RGPD1: variants seen among roughly 807,000 people sequenced by gnomAD.
RGPD1 encodes RANBP2-like and GRIP domain-containing protein 1.
Under a neutral mutation model 40.6 loss-of-function variants are expected in RGPD1, and 7 were observed. The observed-to-expected ratio is 0.17, with a 90% confidence interval of 0.10 to 0.32. The LOEUF (loss-of-function observed/expected upper bound fraction) is 0.32, where lower values mean the gene tolerates loss of function less well. Ranked by LOEUF, RGPD1 falls within the 10% of genes least tolerant of loss-of-function variation. The pLI, the probability that RGPD1 is intolerant of heterozygous loss-of-function variation, is 1.00. For missense variants in RGPD1, 50 were observed against 472.5 expected (o/e 0.11, Z 8.29); for synonymous variants, 24 against 167.0 (o/e 0.14, Z 6.60).
At chr2:86,936,002 GAAAA>G (rs1254887421) in intron 1 of RGPD1, among the ~76,000 whole-genome samples, 3 of 129,110 alleles carry the variant, frequency 2.3e-5, no homozygotes, top group African/African-American at 8.1e-5. Flanking sequence ...AAATTTGTTG[GAAAA>G]AAAATTTTTT....
chr2:86,942,797 C>G (rs1320123979), intron 1 of RGPD1, among the ~76,000 whole-genome samples: 1 of 151,800 alleles, frequency 6.6e-6, no homozygotes. Context: ...CCGGCTGGCG[C>G]AGTCCTGTGG....
chr2:86,991,882 GC>G (rs1461592578), intron 20 of RGPD1: 1 of 1,990 alleles, frequency 5.0e-4, no homozygotes, highest in Non-Finnish European at 9.5e-4. Flanking sequence ...GAGACCTTGG[GC>G]AAAGTCATTA....
intron 1 of RGPD1, among the ~76,000 whole-genome samples, chr2:86,925,045 C>G (rs1422726673): frequency 6.6e-6 from 1 of 152,308 alleles, no homozygotes; most frequent in South Asian, 2.1e-4. Context: ...GTTAAACACT[C>G]TTTCATGTGC....
At chr2:86,944,283 T>C (rs1308631735) in intron 1 of RGPD1, among the ~76,000 whole-genome samples, 5 of 152,208 alleles carry the variant, frequency 3.3e-5, no homozygotes, top group Admixed American at 2.0e-4. Context: ...AGGATAGATA[T>C]CTACTTGTAC....
intron 1 of RGPD1, among the ~76,000 whole-genome samples, chr2:86,918,145 A>T (rs1351376477): frequency 6.6e-6 from 1 of 150,672 alleles, no homozygotes; most frequent in Non-Finnish European, 1.5e-5. Context: ...TTTGAGGGAG[A>T]TTTAAAGTAC....
chr2:86,942,913 G>A (rs1680000883), intron 1 of RGPD1, among the ~76,000 whole-genome samples: 1 of 152,018 alleles, frequency 6.6e-6, no homozygotes, highest in South Asian at 2.1e-4. Flanking sequence ...TCCCGACGGT[G>A]CTCGCTCGTG....
intron 1 of RGPD1, among the ~76,000 whole-genome samples, chr2:86,935,081 GC>G (rs1406666035): frequency 6.8e-6 from 1 of 147,356 alleles, no homozygotes; most frequent in Admixed American, 6.8e-5. Flanking sequence ...CAAGCGATCT[GC>G]CCGCTTTGGC....
chr2:86,918,950 A>T (rs2104659635), intron 1 of RGPD1, among the ~76,000 whole-genome samples: 1 of 47,992 alleles, frequency 2.1e-5, no homozygotes, highest in East Asian at 3.8e-4. Flanking sequence ...TATCTCCATC[A>T]TTTCTTCATA....
chr2:86,998,624 A>G (rs1401122165), intron 22 of RGPD1, among the ~76,000 whole-genome samples: 3 of 47,240 alleles, frequency 6.4e-5, no homozygotes, highest in African/African-American at 8.8e-5. Context: ...GATGTCATTA[A>G]CTTCTTTGAA....
chr2:86,926,071 C>T (rs1156867812), intron 1 of RGPD1, among the ~76,000 whole-genome samples: 1 of 152,272 alleles, frequency 6.6e-6, no homozygotes, highest in Non-Finnish European at 1.5e-5. Context: ...TTGCATAAGC[C>T]CAGAGCCTAG....
At chr2:86,938,626 A>G (rs530182445), upstream of RGPD1, among the ~76,000 whole-genome samples, 1 of 152,250 alleles carries the variant, frequency 6.6e-6, no homozygotes, top group African/African-American at 2.4e-5. Flanking sequence ...AAATAAATAA[A>G]AAGAATTCCT....
intron 1 of RGPD1, among the ~76,000 whole-genome samples, chr2:86,919,732 A>G (rs1257735464): frequency 5.0e-4 from 61 of 121,200 alleles, no homozygotes; most frequent in African/African-American, 2.2e-3. Context: ...CCATACCTTT[A>G]GTGCCATTTA....
At chr2:86,942,014 C>T (rs546043715), upstream of RGPD1, among the ~76,000 whole-genome samples, 4 of 151,758 alleles carry the variant, frequency 2.6e-5, no homozygotes, top group South Asian at 4.2e-4. Context: ...GCCCGGCGGG[C>T]AAGACACCCT....
chr2:86,947,642 G>C (rs78299509), intron 1 of RGPD1, among the ~76,000 whole-genome samples: 4,862 of 88,216 alleles, frequency 0.055, 119 homozygotes, highest in Middle Eastern at 0.083. Context: ...TTACCTGAAA[G>C]CTGGAGTTTC....
chr2:86,923,449 A>G (rs1014889208), intron 1 of RGPD1, among the ~76,000 whole-genome samples: 4 of 151,614 alleles, frequency 2.6e-5, no homozygotes, highest in Non-Finnish European at 5.9e-5. Flanking sequence ...TAATATATGC[A>G]CACTCATGTA....
chr2:86,914,107 G>A lies in RGPD1; in HGVS notation c.72+186G>A, dbSNP rs867371773. Among the ~76,000 whole-genome samples the A allele has an allele frequency of 3.0e-5, 3 of 100,920 alleles. 1 individual carries two copies. The highest frequency in any genetic ancestry group is 2.7e-4 in the Admixed American group (3 of 10,930). 66.2% of individuals were successfully genotyped at this position (100,920 alleles called of 152,430 possible). ...GGGCGGCGGCGGCGGCGGCGGCGGCGGCGGCCTCGGCCCCGGCCTGGCCGG... is the reference window on the plus strand; with the variant it reads ...GGGCGGCGGCGGCGGCGGCGGCGGCAGCGGCCTCGGCCCCGGCCTGGCCGG... On this transcript the variant is annotated intron_variant, in intron 1 of 22. Transcript: ENST00000398193.
At chr2:86,945,630 C>A (rs1157808771) in intron 1 of RGPD1, among the ~76,000 whole-genome samples, 1 of 152,166 alleles carries the variant, frequency 6.6e-6, no homozygotes, top group Non-Finnish European at 1.5e-5. Flanking sequence ...TTTTGCCCTT[C>A]TTAAAAATAT....
At chr2:86,943,466 A>G (rs1371452202) in intron 1 of RGPD1, among the ~76,000 whole-genome samples, 4 of 152,126 alleles carry the variant, frequency 2.6e-5, no homozygotes, top group Admixed American at 1.3e-4. Context: ...TAGTAATTGG[A>G]TCTAAAGAGT....
At position 86,962,363 on chromosome 2, in the gene RGPD1, C is replaced by T. The variant is rs1256396302; in HGVS notation, c.780-666C>T. ...TACTAAAAATATAAAAAAAGTTTAG[C>T]GGGGCATGGTGGCAGGTGCCTGTAA... On this transcript the variant is annotated intron_variant, in intron 6 of 22. Transcript: ENST00000641458. Among the ~76,000 whole-genome samples, 63 of 108,094 alleles carry T rather than the reference C, an allele frequency of 5.8e-4. 2 individuals carry two copies. The highest frequency in any genetic ancestry group is 3.9e-3 in the Admixed American group (46 of 11,746). The allele number at this position is 108,094 out of a possible 152,430, so 70.9% of individuals were successfully genotyped here. A position where few individuals can be genotyped will look rare whatever the true frequency, so the allele number is the denominator to read the frequency against.
Sources: allele counts gnomAD v4.1 joint callset (sites outside exome capture counted in the v4.1 genomes callset), GRCh38; gene constraint gnomAD v4.1.1; transcripts MANE v1.5; gene names NCBI Gene and HGNC (gene_info 2026-07-23, HGNC 2026-07-21).